The following EBNA1BP2 variants were observed in gnomAD, a reference collection of about 807,000 sequenced individuals.
EBNA1BP2 encodes the protein probable rRNA-processing protein EBP2.
EBNA1BP2 carries 36 observed loss-of-function variants against 43.5 expected under a neutral mutation model. The observed-to-expected ratio is 0.83, with a 90% CI of 0.63 to 1.09. The LOEUF (loss-of-function observed/expected upper bound fraction) is 1.09, where lower values mean the gene tolerates loss of function less well. Among genes scored for constraint, EBNA1BP2 ranks in the 50% least tolerant of loss-of-function variants. EBNA1BP2 has a pLI of 0.00. For missense variants in EBNA1BP2, 332 were observed against 379.1 expected, an observed-to-expected ratio of 0.88 and a Z score of 1.03; for synonymous variants, 127 against 141.3, an observed-to-expected ratio of 0.90 and a Z score of 0.72.
chr1:43,166,521 T>C (rs1466478732), intron 7 of EBNA1BP2, among the ~76,000 whole-genome samples: 1 of 152,090 alleles, frequency 6.6e-6, no homozygotes, highest in Non-Finnish European at 1.5e-5. Context: ...AGGCACAGAA[T>C]TACTTGAGCC....
rs373973548 is a variant in EBNA1BP2 at position 43,166,932 on chromosome 1, A to G, written c.614-13T>C. ...TTATCAGAGAAGCCTGTAAGTGAAG[A>G]AGTAGTTTTGATCAGCACCATTGTA... On this transcript the variant is annotated splice_polypyrimidine_tract_variant and intron_variant, in intron 6 of 8. Transcript: ENST00000236051. The G allele has an allele frequency of 7.4e-6, 12 of 1,611,142 alleles. No homozygotes were observed. In the African/African-American group the frequency reaches 1.3e-4, roughly 18 times the overall value.
chr1:43,168,848 C>G, intron 5 of EBNA1BP2, 91 bp downstream of exon 5: 1 of 1,229,118 alleles, frequency 8.1e-7, no homozygotes. Context: ...ACACACAGTT[C>G]CGTTCAGTTC....
intron 7 of EBNA1BP2, 108 bp from the exon 8 acceptor site, chr1:43,164,913 C>T (rs1312468523): frequency 3.6e-6 from 5 of 1,370,288 alleles, no homozygotes; most frequent in Admixed American, 2.2e-5. Context: ...CCCTTAGGCA[C>T]GTCTGTAACC....
At chr1:43,171,841 G>A (rs1346424465) in intron 2 of EBNA1BP2, 45 bp downstream of exon 2, 1 of 1,606,982 alleles carries the variant, frequency 6.2e-7, no homozygotes, top group South Asian at 1.1e-5. Context: ...AGCGCCTGAA[G>A]CGCATCCCAT....
rs1451517456 is a variant in EBNA1BP2 at position 43,167,025 on chromosome 1, T to A, written c.614-106A>T. 9.4e-6 allele frequency: 14 copies of A among 1,486,558 alleles called. No homozygotes were observed. In the Admixed American group the frequency reaches 2.3e-4, roughly 25 times the overall value. The allele number at this position is 1,486,558 out of a possible 1,614,324, so 92.1% of individuals were successfully genotyped here. ...TGCTACACTGATTTTAAGAGTCACA[T>A]CCTGCTCTCCAACACCATTCCCAAA... On this transcript the variant is annotated intron_variant, in intron 6 of 8. Transcript: ENST00000236051.
At chr1:43,168,884 T>C in intron 5 of EBNA1BP2, 55 bp downstream of exon 5, 1 of 1,573,012 alleles carries the variant, frequency 6.4e-7, no homozygotes, top group Non-Finnish European at 8.7e-7. Context: ...ACCACGGCAA[T>C]CTCATCTAAC....
chr1:43,172,381 G>A, upstream of EBNA1BP2: 2 of 1,551,554 alleles, frequency 1.3e-6, no homozygotes, highest in African/African-American at 1.4e-5. Flanking sequence ...GAAAGTGTCC[G>A]GGTTGCTTAG....
intron 7 of EBNA1BP2, among the ~76,000 whole-genome samples, chr1:43,165,531 T>C (rs1471509480): frequency 6.6e-6 from 1 of 152,214 alleles, no homozygotes; most frequent in African/African-American, 2.4e-5. Context: ...TCTCGACTTT[T>C]GCAATAGTAC....
In EBNA1BP2 at chr1:43,164,386, C is replaced by T. The variant is rs1036032642; in HGVS notation, c.*57G>A. The T allele has an allele frequency of 1.1e-5, 17 of 1,601,880 alleles. No homozygotes were observed. In the Admixed American group the frequency reaches 1.7e-4, roughly 16 times the overall value. ...ACCAACAGAAGGGATCAAAGTGTGT[C>T]GTGAAATTGCGAGTCTTCATTCCTT... is the stretch of plus-strand genomic sequence containing the variant. On this transcript the variant is annotated 3_prime_UTR_variant, in exon 9 of 9. Coordinates refer to ENST00000236051, the MANE Select transcript of EBNA1BP2 (RefSeq NM_006824.3).
Position 43,170,860 on chromosome 1 carries a change from C to G in EBNA1BP2, c.343G>C (p.Ala115Pro), listed in dbSNP as rs756079131. The change falls in exon 4 of 9, where the codon GCA becomes CCA. Residue 115 changes from alanine (A) to proline (P), a missense_variant. Transcript: ENST00000236051. Reference sequence around the variant, plus strand: ...AGGCGGGGTAAGACTGCAAGCACTGCGGCCTGGGCTTGGCGATAGCTGAGA... The same window carrying G: ...AGGCGGGGTAAGACTGCAAGCACTGGGGCCTGGGCTTGGCGATAGCTGAGA... ...EMSFYRQAQAAVLAVLPRLHQ... is the reference protein window; with the variant it reads ...EMSFYRQAQAPVLAVLPRLHQ... 1.7e-5 allele frequency: 27 copies of G among 1,584,416 alleles called. No homozygotes were observed. The highest frequency in any genetic ancestry group is 2.2e-5 in the Non-Finnish European group (26 of 1,169,094).
intron 5 of EBNA1BP2, among the ~76,000 whole-genome samples, chr1:43,168,566 C>T (rs1419971903): frequency 6.6e-6 from 1 of 152,146 alleles, no homozygotes; most frequent in Non-Finnish European, 1.5e-5. Context: ...ACCTGGAAAG[C>T]TTTTGGGGAA....
chr1:43,170,631 A>G, intron 4 of EBNA1BP2, 125 bp downstream of exon 4: 1 of 1,360,090 alleles, frequency 7.4e-7, no homozygotes, highest in Non-Finnish European at 9.9e-7. Context: ...AATCTATGGA[A>G]GAGGTAATAA....
Position 43,170,448 on chromosome 1 carries a change from C to T in EBNA1BP2, c.447+308G>A, listed in dbSNP as rs370578041. Among the ~76,000 whole-genome samples, 11 of 152,344 alleles carry T rather than the reference C, an allele frequency of 7.2e-5. 1 individual carries two copies. Among genetic ancestry groups the T allele is most frequent in the Admixed American group, 5.2e-4 (8 of 15,304 alleles). ...AGTGGCAAGGGCACAAGAATGCTGT[C>T]CTCTCTGCACACCATGTCATGACCA... is the stretch of plus-strand genomic sequence containing the variant. On this transcript the variant is annotated intron_variant, in intron 4 of 8. Coordinates refer to ENST00000236051, the MANE Select transcript of EBNA1BP2 (RefSeq NM_006824.3).
chr1:43,167,775 G>T (rs528022613), intron 5 of EBNA1BP2, among the ~76,000 whole-genome samples: 1 of 152,160 alleles, frequency 6.6e-6, no homozygotes, highest in Non-Finnish European at 1.5e-5. Flanking sequence ...CTAACAGAGG[G>T]TTTCTCAATC....
intron 3 of EBNA1BP2, 147 bp downstream of exon 3, chr1:43,171,332 G>T: frequency 9.9e-7 from 1 of 1,011,720 alleles, no homozygotes; most frequent in South Asian, 2.2e-5. Flanking sequence ...CTCTCAAACA[G>T]GAAGAATCTC....
At chr1:43,166,569 G>A (rs945564795) in intron 7 of EBNA1BP2, among the ~76,000 whole-genome samples, 19 of 152,066 alleles carry the variant, frequency 1.2e-4, no homozygotes, top group Admixed American at 1.2e-3. Flanking sequence ...GACTGTACCA[G>A]TGCACTGTAG....
intron 4 of EBNA1BP2, among the ~76,000 whole-genome samples, chr1:43,169,263 T>C (rs978379258): frequency 2.6e-5 from 4 of 152,186 alleles, no homozygotes; most frequent in Admixed American, 2.0e-4. Flanking sequence ...GTCTGTTTCA[T>C]TATACAAACT....
chr1:43,164,515 A>T (rs1297756074), intron 8 of EBNA1BP2, 22 bp from the exon 9 acceptor site: 2 of 1,614,028 alleles, frequency 1.2e-6, no homozygotes, highest in East Asian at 2.2e-5. Context: ...GACATACCAC[A>T]TCTGGTCACA....
At chr1:43,170,907 T>C (rs750542040) in intron 3 of EBNA1BP2, 28 bp from the exon 4 acceptor site, 1 of 1,546,358 alleles carries the variant, frequency 6.5e-7, no homozygotes, top group Non-Finnish European at 8.7e-7. Flanking sequence ...AAATGTGTAA[T>C]GAGGTGAAGG....
Sources: gnomAD v4.1 joint callset for allele counts (sites outside exome capture counted in the v4.1 genomes callset) on GRCh38, gnomAD v4.1.1 for gene constraint, MANE v1.5 for transcripts, NCBI Gene and HGNC (gene_info 2026-07-23, HGNC 2026-07-21) for gene names.